The following C5orf34 variants were observed in gnomAD, a reference collection of about 807,000 sequenced individuals.
C5orf34 encodes chromosome 5 open reading frame 34.
In C5orf34, 73 loss-of-function variants were observed where a neutral mutation model predicts 78.4. The ratio of observed to expected loss-of-function variants is 0.93; its 90% CI spans 0.77 to 1.13. The LOEUF (loss-of-function observed/expected upper bound fraction) is 1.13, where lower values mean the gene tolerates loss of function less well. Among genes scored for constraint, C5orf34 ranks in the 50% most tolerant of loss-of-function variants. C5orf34 has a pLI of 0.00. For synonymous variants in C5orf34, 251 were observed against 246.6 expected (o/e 1.02, Z -0.17); for missense variants, 730 against 732.7 (o/e 1.00, Z 0.04).
intron 5 of C5orf34, among the ~76,000 whole-genome samples, 162 bp downstream of exon 5, chr5:43,503,503 A>C (rs910259774): frequency 1.3e-5 from 2 of 152,240 alleles, no homozygotes; most frequent in African/African-American, 2.4e-5. Context: ...TAATAACATT[A>C]GTTTTGAGAC....
chr5:43,508,525 C>G (rs1487728181), intron 3 of C5orf34, 52 bp downstream of exon 3: 3 of 1,039,882 alleles, frequency 2.9e-6, no homozygotes, highest in Non-Finnish European at 4.4e-6. Context: ...TTACCTGTTT[C>G]TAGTTACTTG....
chr5:43,492,142 T>C (rs1745310469), intron 10 of C5orf34, 73 bp downstream of exon 10: 3 of 991,986 alleles, frequency 3.0e-6, no homozygotes, highest in Non-Finnish European at 4.6e-6. Flanking sequence ...AACACTTAAA[T>C]AATGCTTATT....
At chr5:43,508,017 G>A (rs964912957) in intron 3 of C5orf34, among the ~76,000 whole-genome samples, 9 of 149,202 alleles carry the variant, frequency 6.0e-5, no homozygotes, top group African/African-American at 1.7e-4. Flanking sequence ...GGTGGAGGTT[G>A]CAGTGAGCCG....
intron 3 of C5orf34, among the ~76,000 whole-genome samples, chr5:43,507,778 C>T (rs748719096): frequency 7.2e-5 from 11 of 152,132 alleles, no homozygotes; most frequent in Admixed American, 5.2e-4. Flanking sequence ...AATTTCCTTG[C>T]CTATAAAAAG....
rs2112329206 is a variant in C5orf34, at chr5:43,508,650, G to A, written c.212C>T (p.Ala71Val). The change falls in exon 3 of 13, where the codon GCC (alanine) becomes GTC (valine). Residue 71 changes from alanine to valine, a missense_variant. Transcript: ENST00000306862. ...AGCTGAAGAGTTTCGAAAATCTAGG[G>A]CTCGCTGTAGTTGCTCCTATGAAAA... ...ISTYREQLQRALDFRNSSATC... is the reference protein window; with the variant it reads ...ISTYREQLQRVLDFRNSSATC... The A allele has an allele frequency of 6.2e-7, 1 of 1,601,056 alleles. No individual in the cohort carries two copies. Among genetic ancestry groups the A allele is most frequent in the East Asian group, 2.2e-5 (1 of 44,770 alleles).
At chr5:43,499,748 C>T (rs755643656) in intron 6 of C5orf34, among the ~76,000 whole-genome samples, 4 of 152,178 alleles carry the variant, frequency 2.6e-5, no homozygotes, top group Non-Finnish European at 5.9e-5. Flanking sequence ...ATTCGCTCAA[C>T]AACCCGATCT....
At chr5:43,493,748 T>C (rs977222441) in intron 7 of C5orf34, 136 bp from the exon 8 acceptor site, 21 of 558,856 alleles carry the variant, frequency 3.8e-5, no homozygotes, top group African/African-American at 3.0e-4. Context: ...ACTCTTTTTT[T>C]CTCCAGAAAT....
chr5:43,505,782 G>C lies in C5orf34; in HGVS notation c.898C>G (p.Leu300Val). ...GKVVSVLPRA[L>V]SLSCPVPHLH... is the part of the protein sequence containing the mutation. ...TGTGGGACTGGACAGCTGAGTGACA[G>C]GGCCCTGGGAAGAACAGAAACCACT... The change falls in exon 4 of 13, where the codon CTG (leucine) becomes GTG (valine). Residue 300 changes from leucine (L) to valine (V), a missense_variant. By Grantham distance (32) the Leu-to-Val change is conservative (BLOSUM62 1). Coordinates refer to ENST00000306862, the MANE Select transcript of C5orf34 (RefSeq NM_198566.4). 6.3e-7 allele frequency: 1 copy of C among 1,595,062 alleles called. No homozygotes were observed. The highest frequency in any genetic ancestry group is 8.5e-7 in the Non-Finnish European group (1 of 1,170,078).
intron 6 of C5orf34, among the ~76,000 whole-genome samples, chr5:43,501,395 T>A (rs1745754122): frequency 6.6e-6 from 1 of 152,170 alleles, no homozygotes; most frequent in Non-Finnish European, 1.5e-5. Context: ...TTCATCTTCA[T>A]CCTTGTCAGT....
intron 8 of C5orf34, 55 bp downstream of exon 8, chr5:43,493,488 T>C: frequency 9.4e-7 from 1 of 1,064,006 alleles, no homozygotes; most frequent in South Asian, 1.4e-5. Flanking sequence ...GAAGTATGGA[T>C]ATAAACAATA....
At chr5:43,494,677 A>G in intron 6 of C5orf34, 76 bp from the exon 7 acceptor site, 1 of 755,866 alleles carries the variant, frequency 1.3e-6, no homozygotes, top group Non-Finnish European at 2.2e-6. Flanking sequence ...TTTCCTTGAA[A>G]TATGTTTTTA....
intron 11 of C5orf34, among the ~76,000 whole-genome samples, chr5:43,488,618 TG>T (rs2112261406): frequency 6.6e-6 from 1 of 152,224 alleles, no homozygotes; most frequent in East Asian, 1.9e-4. Context: ...CTTATTTCAT[TG>T]TTTTTTTAAG....
In C5orf34 at chr5:43,509,373, A is replaced by T; in HGVS notation, c.-34T>A. ...CAGGATAAGATATCTTCTAAGTCAA[A>T]GACTGAATGAAATAGGAAAAACAAC... is the stretch of plus-strand genomic sequence containing the variant. On this transcript the variant is annotated splice_region_variant and 5_prime_UTR_variant, in exon 2 of 13. Transcript: ENST00000306862. 1 of 1,521,488 alleles carries T rather than the reference A, an allele frequency of 6.6e-7. No homozygotes were observed. Among genetic ancestry groups the T allele is most frequent in the Non-Finnish European group, 8.9e-7 (1 of 1,124,526 alleles). 94.2% of individuals were successfully genotyped at this position (1,521,488 alleles called of 1,614,324 possible).
chr5:43,506,303 G>A lies in C5orf34; in HGVS notation c.377C>T (p.Thr126Ile), dbSNP rs1278421699. 1 of 1,614,030 alleles carries A rather than the reference G, an allele frequency of 6.2e-7. No individual in the cohort carries two copies. The highest frequency in any genetic ancestry group is 2.2e-5 in the East Asian group (1 of 44,880). ...IYMESGIVKI[T>I]SLDGHAYLCL... ...GAGGTATGCATGACCATCTAAAGAT[G>A]TTATCTTCACAATGCCACTCTCCAT... Residue 126 changes from threonine to isoleucine, a missense_variant, in exon 4 of 13, where the codon ACA becomes ATA. Transcript: ENST00000306862.
Position 43,494,500 on chromosome 5 carries a change from A to G in C5orf34, c.1244+10T>C. 1 of 1,568,032 alleles carries G rather than the reference A, an allele frequency of 6.4e-7. No individual in the cohort carries two copies. Among genetic ancestry groups the G allele is most frequent in the Non-Finnish European group, 8.7e-7 (1 of 1,143,430 alleles). ...ATAACATTTGATTCAATTGAATGGG[A>G]AGAACTTACCTTGTTGCCTGTTTAA... On this transcript the variant is annotated intron_variant, in intron 7 of 12. Transcript: ENST00000306862.
chr5:43,487,270 T>G (rs1232269289), intron 12 of C5orf34, among the ~76,000 whole-genome samples, 159 bp from the exon 13 acceptor site: 1 of 152,182 alleles, frequency 6.6e-6, no homozygotes, highest in African/African-American at 2.4e-5. Context: ...GTCTGCTCCT[T>G]GTAGATGAAG....
chr5:43,506,639 G>C (rs984016375), intron 3 of C5orf34, among the ~76,000 whole-genome samples: 1 of 151,672 alleles, frequency 6.6e-6, no homozygotes, highest in Non-Finnish European at 1.5e-5. Context: ...TGAGAGAAAT[G>C]GTCATATTTA....
At chr5:43,510,769 G>A (rs1270713173) in intron 1 of C5orf34, among the ~76,000 whole-genome samples, 2 of 152,236 alleles carry the variant, frequency 1.3e-5, no homozygotes, top group Non-Finnish European at 2.9e-5. Context: ...CTGGAGTGCA[G>A]TGGCGTGATC....
At chr5:43,494,982 C>T in intron 6 of C5orf34, 9 of 1,068,734 alleles carry the variant, frequency 8.4e-6, no homozygotes, top group Non-Finnish European at 9.8e-6. Context: ...TCTTTCACTA[C>T]TAAACTTAAA....
Sources: allele counts gnomAD v4.1 joint callset (sites outside exome capture counted in the v4.1 genomes callset), GRCh38; gene constraint gnomAD v4.1.1; transcripts MANE v1.5; gene names NCBI Gene and HGNC (gene_info 2026-07-23, HGNC 2026-07-21).